BDNF: variants seen among roughly 807,000 people sequenced by gnomAD.
The protein encoded by BDNF is brain derived neurotrophic factor, also known as neurotrophic factor BDNF precursor form.
In BDNF, 1 loss-of-function variant was observed where a neutral mutation model predicts 19.5. That is an observed-to-expected ratio of 0.05 (90% CI 0.02 to 0.24). BDNF has a LOEUF of 0.24. BDNF is among the 10% of genes least tolerant of loss of function. BDNF has a pLI of 1.00. For synonymous variants in BDNF, 100 were observed against 121.6 expected (o/e 0.82, Z 1.17); for missense variants, 195 against 317.6 (o/e 0.61, Z 2.93).
upstream of BDNF, among the ~76,000 whole-genome samples, chr11:27,703,924 A>G (rs1175372365): frequency 1.2e-4 from 18 of 152,354 alleles, no homozygotes; most frequent in East Asian, 1.5e-3. Context: ...TGAAGCCAAG[A>G]TAAACAAAAT....
chr11:27,660,330 A>G (rs975326278), intron 1 of BDNF: 7 of 802,098 alleles, frequency 8.7e-6, no homozygotes, highest in Admixed American at 2.7e-5. Flanking sequence ...AATAGCAAAC[A>G]TGCTTAGAAC....
chr11:27,663,002 C>T (rs1285753655), intron 1 of BDNF, among the ~76,000 whole-genome samples: 1 of 152,192 alleles, frequency 6.6e-6, no homozygotes, highest in African/African-American at 2.4e-5. Flanking sequence ...CTGTGTAGCT[C>T]TATTTCTAAC....
chr11:27,664,657 C>T (rs906486753), intron 1 of BDNF, among the ~76,000 whole-genome samples: 1 of 152,124 alleles, frequency 6.6e-6, no homozygotes, highest in African/African-American at 2.4e-5. Flanking sequence ...GTGGTGCACA[C>T]CTGTAGTTTC....
intron 1 of BDNF, among the ~76,000 whole-genome samples, chr11:27,672,702 G>A (rs1158492416): frequency 2.0e-5 from 3 of 152,138 alleles, no homozygotes; most frequent in African/African-American, 7.2e-5. Flanking sequence ...AAGTTCCCAG[G>A]AGGTAACCCA....
intron 1 of BDNF, among the ~76,000 whole-genome samples, chr11:27,694,246 A>G (rs981133468): frequency 2.0e-5 from 3 of 152,258 alleles, no homozygotes; most frequent in Admixed American, 6.5e-5. Context: ...TCACAATTTC[A>G]TAAGTGAATC....
intron 1 of BDNF, chr11:27,698,152 A>C (rs1357493711): frequency 6.8e-6 from 1 of 146,280 alleles, no homozygotes; most frequent in African/African-American, 2.5e-5. Context: ...ATTCCAGTAA[A>C]GGTTATGGTT....
intron 1 of BDNF, among the ~76,000 whole-genome samples, chr11:27,672,976 T>C (rs1448949549): frequency 1.3e-5 from 2 of 152,134 alleles, no homozygotes; most frequent in Non-Finnish European, 2.9e-5. Flanking sequence ...CAAATGCAAA[T>C]GACTCACACT....
chr11:27,656,773 A>T lies in BDNF; in HGVS notation c.*1048T>A. 4.1e-6 allele frequency: 4 copies of T among 985,222 alleles called. No homozygotes were observed. Among genetic ancestry groups the T allele is most frequent in the Non-Finnish European group, 4.8e-6 (4 of 829,872 alleles). The allele number at this position is 985,222 out of a possible 1,614,324, so 61.0% of individuals were successfully genotyped here. ...AAATGTTCACTCCTCATAAAAAATAATCTTCATTTTGGGGTTATTTTTTGT... is the reference window on the plus strand; with the variant it reads ...AAATGTTCACTCCTCATAAAAAATATTCTTCATTTTGGGGTTATTTTTTGT... On this transcript the variant is annotated 3_prime_UTR_variant, in exon 2 of 2. Coordinates refer to ENST00000356660, the MANE Select transcript of BDNF (RefSeq NM_001709.5).
chr11:27,656,412 A>C lies in BDNF; in HGVS notation c.*1409T>G, dbSNP rs1366896674. On this transcript the variant is annotated 3_prime_UTR_variant, in exon 2 of 2. Transcript: ENST00000356660. ...TTGAGCACAGTTAGATAATGTAGGCACTTAAAGCACGAGGTCCAAGCAGCT... is the reference window on the plus strand; with the variant it reads ...TTGAGCACAGTTAGATAATGTAGGCCCTTAAAGCACGAGGTCCAAGCAGCT... The C allele has an allele frequency of 2.2e-6, 1 of 462,048 alleles. No individual in the cohort carries two copies. 28.6% of individuals were successfully genotyped at this position (462,048 alleles called of 1,614,324 possible). A position where few individuals can be genotyped will look rare whatever the true frequency, so the allele number is the denominator to read the frequency against.
At chr11:27,710,637 C>T (rs1218359544) in intron 1 of BDNF, among the ~76,000 whole-genome samples, 1 of 152,210 alleles carries the variant, frequency 6.6e-6, no homozygotes, top group Non-Finnish European at 1.5e-5. Flanking sequence ...CTTGTCCATC[C>T]TCTTCTTCTC....
At chr11:27,677,637 C>T (rs1472783891) in intron 1 of BDNF, 1 of 152,106 alleles carries the variant, frequency 6.6e-6, no homozygotes, top group Non-Finnish European at 1.5e-5. Context: ...GAAACTAATA[C>T]AAATGATCAC....
chr11:27,716,438 C>T (rs1201895176), intron 1 of BDNF, among the ~76,000 whole-genome samples: 3 of 122,320 alleles, frequency 2.5e-5, no homozygotes, highest in Non-Finnish European at 3.3e-5. Flanking sequence ...CACACACGCC[C>T]ATACACACAC....
intron 1 of BDNF, among the ~76,000 whole-genome samples, chr11:27,681,080 C>T (rs1328823726): frequency 6.6e-6 from 1 of 152,196 alleles, no homozygotes; most frequent in Non-Finnish European, 1.5e-5. Flanking sequence ...GAATATTCCC[C>T]TGAAAGTGTT....
At chr11:27,703,307 G>C (rs1237895094), upstream of BDNF, among the ~76,000 whole-genome samples, 2 of 152,064 alleles carry the variant, frequency 1.3e-5, no homozygotes, top group African/African-American at 4.8e-5. Context: ...AAAAATACTT[G>C]TACTACATTA....
chr11:27,708,902 CACTGCA>C (rs1212262381), intron 1 of BDNF, among the ~76,000 whole-genome samples: 4 of 140,672 alleles, frequency 2.8e-5, no homozygotes, highest in Non-Finnish European at 6.0e-5. Context: ...AATCTTGGCT[CACTGCA>C]ACCTCTGCCT....
chr11:27,715,858 A>G (rs943760895), intron 1 of BDNF, among the ~76,000 whole-genome samples: 1 of 152,228 alleles, frequency 6.6e-6, no homozygotes, highest in African/African-American at 2.4e-5. Flanking sequence ...AATGAAACCT[A>G]TAGAGAGCTG....
rs551525896 is a variant in BDNF at position 27,719,413 on chromosome 11, C to T, written c.3+1999G>A. 2.8e-5 allele frequency: 27 copies of T among 975,470 alleles called. No individual in the cohort carries two copies. In the South Asian group the frequency reaches 1.3e-3, roughly 46 times the overall value. The allele number at this position is 975,470 out of a possible 1,614,324, so 60.4% of individuals were successfully genotyped here. On this transcript the variant is annotated intron_variant, in intron 1 of 1. Coordinates refer to the BDNF transcript ENST00000314915. ...CCACCGCCTCCAGCCGCCCAGGCCCCCTCGCCCGGCCCGCTCTCTGGCTCT... is the reference window on the plus strand; with the variant it reads ...CCACCGCCTCCAGCCGCCCAGGCCCTCTCGCCCGGCCCGCTCTCTGGCTCT...
Position 27,657,830 on chromosome 11 carries a change from C to T in BDNF, c.735G>A (p.Arg245=), listed in dbSNP as rs1391745199. ...ATACAACATAAATCCACTATCTTCCCCTTTTAATGGTCAATGTACATACAC... is the reference window on the plus strand; with the variant it reads ...ATACAACATAAATCCACTATCTTCCTCTTTTAATGGTCAATGTACATACAC... The part of the protein sequence containing the change: ...TSCVCTLTIK[R]GR The change falls in exon 2 of 2, where the codon AGG becomes AGA. Residue 245 remains arginine (R), a synonymous_variant. Coordinates refer to ENST00000356660, the MANE Select transcript of BDNF (RefSeq NM_001709.5). This position sits in a 1 kb window ranked among gnomAD's most constrained non-coding sequence, Gnocchi z 5.0. 2 of 1,613,570 alleles carry T rather than the reference C, an allele frequency of 1.2e-6. No homozygotes were observed. Among genetic ancestry groups the T allele is most frequent in the Admixed American group, 3.3e-5 (2 of 60,010 alleles).
rs370873692 is a variant in BDNF, at chr11:27,707,055, G to A, written c.3+14357C>T. On this transcript the variant is annotated intron_variant, in intron 1 of 1. Transcript: ENST00000314915. ...TGGATTTGTGCTTTCATATTCTCAG[G>A]TGCTTATTATATACTGATATAATTT... Among the ~76,000 whole-genome samples the A allele has an allele frequency of 7.3e-4, 111 of 152,170 alleles. 2 individuals carry two copies. The Middle Eastern group carries it at 0.02, about 28-fold the overall frequency.
Sources: allele counts gnomAD v4.1 joint callset (sites outside exome capture counted in the v4.1 genomes callset), GRCh38; gene constraint gnomAD v4.1.1; non-coding constraint Gnocchi (gnomAD v3.1); transcripts MANE v1.5; gene names NCBI Gene and HGNC (gene_info 2026-07-23, HGNC 2026-07-21).